Variants in CMC2 observed in about 807,000 individuals in gnomAD.
CMC2 encodes COX assembly mitochondrial protein 2 homolog.
CMC2 carries 5 observed loss-of-function variants against 7.5 expected under a neutral mutation model. That is an observed-to-expected ratio of 0.66 (90% CI 0.35 to 1.40). CMC2 has a LOEUF of 1.40. CMC2 is among the 40% of genes most tolerant of loss of function. CMC2 has a pLI of 0.04. For missense variants in CMC2, 115 were observed against 92.3 expected (o/e 1.25, Z -1.01); for synonymous variants, 37 against 31.4 (o/e 1.18, Z -0.60).
chr16:80,992,463 G>C (rs899190215), intron 2 of CMC2, among the ~76,000 whole-genome samples: 9 of 152,140 alleles, frequency 5.9e-5, no homozygotes, highest in Non-Finnish European at 1.0e-4. Flanking sequence ...ATAACAATTT[G>C]CAGTCCCATC....
chr16:81,005,351 G>A (rs1418638502), intron 1 of CMC2, among the ~76,000 whole-genome samples: 1 of 152,090 alleles, frequency 6.6e-6, no homozygotes, highest in Non-Finnish European at 1.5e-5. Flanking sequence ...GGTGGAGGTT[G>A]CAGTGAGCCG....
At chr16:80,996,779 A>T (rs1277540584) in intron 2 of CMC2, 1 of 177,872 alleles carries the variant, frequency 5.6e-6, no homozygotes, top group Non-Finnish European at 1.2e-5. Flanking sequence ...GCTTGATTTA[A>T]TGTATTCCAA....
In CMC2 at chr16:80,966,847, T is replaced by C. The variant is rs1043140233; in HGVS notation, c.*9246A>G. ...TACATACAGACACACGAAATCTTCATTCCTTTGTATAGATTCATGGTATAC... is the reference window on the plus strand; with the variant it reads ...TACATACAGACACACGAAATCTTCACTCCTTTGTATAGATTCATGGTATAC... On this transcript the variant is annotated 3_prime_UTR_variant, in exon 4 of 4. Transcript: ENST00000219400. 3 of 152,194 alleles carry C rather than the reference T, an allele frequency of 2.0e-5. No homozygotes were observed. Among genetic ancestry groups the C allele is most frequent in the African/African-American group, 4.8e-5 (2 of 41,432 alleles). The allele number at this position is 152,194 out of a possible 1,614,324, so 9.4% of individuals were successfully genotyped here.
chr16:81,000,990 T>C (rs1968821639), intron 1 of CMC2, among the ~76,000 whole-genome samples: 1 of 152,212 alleles, frequency 6.6e-6, no homozygotes, highest in African/African-American at 2.4e-5. Context: ...TATGTACATA[T>C]ACACCATGGA....
At chr16:80,980,790 G>T in intron 3 of CMC2, 1 of 698,790 alleles carries the variant, frequency 1.4e-6, no homozygotes, top group Non-Finnish European at 2.6e-6. Flanking sequence ...AGCTACTCAG[G>T]AGGCTGAGGT....
intron 2 of CMC2, chr16:80,988,542 A>G (rs1967718682): frequency 1.4e-6 from 1 of 701,820 alleles, no homozygotes; most frequent in African/African-American, 1.7e-5. Context: ...GCTCTTACAT[A>G]TACACCCGAG....
At chr16:80,987,304 A>G (rs538147685) in intron 2 of CMC2, among the ~76,000 whole-genome samples, 22 of 152,332 alleles carry the variant, frequency 1.4e-4, no homozygotes, top group African/African-American at 5.1e-4. Flanking sequence ...GAAGAAGAGA[A>G]AAAGGGAAAA....
At chr16:80,991,836 C>A in intron 2 of CMC2, 1 of 425,044 alleles carries the variant, frequency 2.4e-6, no homozygotes, top group Non-Finnish European at 4.7e-6. Flanking sequence ...GAGCATTCTA[C>A]CAAATACCTG....
intron 2 of CMC2, chr16:80,997,106 A>AC (rs1409830818): frequency 2.4e-5 from 14 of 579,752 alleles, no homozygotes; most frequent in Non-Finnish European, 4.0e-5. Context: ...CTAACAAACT[A>AC]CCATGTCTGA....
chr16:80,986,645 G>C (rs1380166632), intron 2 of CMC2, among the ~76,000 whole-genome samples: 1 of 152,228 alleles, frequency 6.6e-6, no homozygotes, highest in African/African-American at 2.4e-5. Flanking sequence ...GGAGAACAAT[G>C]GTTCAAGAGA....
Position 81,006,871 on chromosome 16 carries a change from C to G in CMC2, c.-173G>C. 4.1e-6 allele frequency: 4 copies of G among 986,198 alleles called. No homozygotes were observed. Among genetic ancestry groups the G allele is most frequent in the Non-Finnish European group, 3.6e-6 (3 of 830,540 alleles). 61.1% of individuals were successfully genotyped at this position (986,198 alleles called of 1,614,324 possible). ...CCCAGTGACGCCCTCCACCGCTCCA[C>G]CGTGCTCCCGGCTCCTCGCCCCCGC... On this transcript the variant is annotated 5_prime_UTR_variant, in exon 1 of 4. Transcript: ENST00000219400.
chr16:80,983,633 G>C (rs960523971), intron 2 of CMC2: 1 of 152,210 alleles, frequency 6.6e-6, no homozygotes, highest in African/African-American at 2.4e-5. Flanking sequence ...TAAATGCTTA[G>C]TGCCAGAGCC....
intron 2 of CMC2, among the ~76,000 whole-genome samples, chr16:80,992,458 A>C (rs1968077128): frequency 6.6e-6 from 1 of 152,194 alleles, no homozygotes; most frequent in African/African-American, 2.4e-5. Flanking sequence ...AGATTATAAC[A>C]ATTTGCAGTC....
chr16:80,988,734 CA>C, intron 2 of CMC2: 3 of 526,164 alleles, frequency 5.7e-6, no homozygotes, highest in Non-Finnish European at 3.4e-6. Flanking sequence ...ATGCAAAAGG[CA>C]AAAAAAGTTG....
At chr16:80,987,404 A>G (rs1338711813) in intron 2 of CMC2, among the ~76,000 whole-genome samples, 4 of 152,216 alleles carry the variant, frequency 2.6e-5, no homozygotes, top group Admixed American at 6.5e-5. Flanking sequence ...TTTGCTTTAT[A>G]CTTTCCTACT....
chr16:81,003,763 A>C (rs1022072204), intron 1 of CMC2, among the ~76,000 whole-genome samples: 6 of 146,218 alleles, frequency 4.1e-5, no homozygotes, highest in African/African-American at 1.5e-4. Context: ...GTGTGGAAAT[A>C]GTGAGTCTGT....
intron 3 of CMC2, among the ~76,000 whole-genome samples, chr16:80,978,072 C>CAAAAA (rs57080796): frequency 1.4e-5 from 2 of 145,378 alleles, no homozygotes; most frequent in African/African-American, 2.6e-5. Flanking sequence ...GACTTCGTCT[C>CAAAAA]AAAAAAAAAG....
Position 80,968,508 on chromosome 16 carries a change from T to G in CMC2, c.*7585A>C, listed in dbSNP as rs1245419220. 1 of 152,212 alleles carries G rather than the reference T, an allele frequency of 6.6e-6. No individual in the cohort carries two copies. The highest frequency in any genetic ancestry group is 2.4e-5 in the African/African-American group (1 of 41,458). The allele number at this position is 152,212 out of a possible 1,614,324, so 9.4% of individuals were successfully genotyped here. A position where few individuals can be genotyped will look rare whatever the true frequency, so the allele number is the denominator to read the frequency against. On this transcript the variant is annotated 3_prime_UTR_variant, in exon 4 of 4. Transcript: ENST00000219400. ...GCTCTTATAACTCCTCTCTTTGCCA[T>G]GCCCTCCCCAACTCCCATCCTCCCC...
chr16:80,978,803 T>C (rs773070819), intron 3 of CMC2, among the ~76,000 whole-genome samples: 35 of 151,832 alleles, frequency 2.3e-4, no homozygotes, highest in Non-Finnish European at 4.1e-4. Context: ...TCATGGAGGC[T>C]GGGCGCAGTG....
Sources: allele counts gnomAD v4.1 joint callset (sites outside exome capture counted in the v4.1 genomes callset), GRCh38; gene constraint gnomAD v4.1.1; transcripts MANE v1.5; gene names NCBI Gene and HGNC (gene_info 2026-07-23, HGNC 2026-07-21).